KIAA1217: variants seen among roughly 807,000 people sequenced by gnomAD.
KIAA1217 encodes the protein KIAA1217.
KIAA1217 carries 88 observed loss-of-function variants against 163.9 expected under a neutral mutation model. The ratio of observed to expected loss-of-function variants is 0.54; its 90% confidence interval spans 0.45 to 0.64. The LOEUF (loss-of-function observed/expected upper bound fraction) is 0.64. KIAA1217 is among the 30% of genes least tolerant of loss of function. The pLI, the probability that KIAA1217 is intolerant of heterozygous loss-of-function variation, is 0.00. For missense variants in KIAA1217, 2,372 were observed against 2,475.0 expected (o/e 0.96, Z 0.88); for synonymous variants, 903 against 923.1 (o/e 0.98, Z 0.39).
chr10:24,246,563 G>T (rs1403340134), intron 2 of KIAA1217, among the ~76,000 whole-genome samples: 1 of 152,220 alleles, frequency 6.6e-6, no homozygotes, highest in Non-Finnish European at 1.5e-5. Context: ...AAATACACTT[G>T]ACATGTGGGT....
chr10:24,148,796 T>C (rs1263518456), intron 2 of KIAA1217, among the ~76,000 whole-genome samples: 3 of 152,192 alleles, frequency 2.0e-5, no homozygotes, highest in African/African-American at 4.8e-5. Flanking sequence ...TTTATAGCAA[T>C]GCAAAATGGA....
intron 1 of KIAA1217, among the ~76,000 whole-genome samples, chr10:23,970,452 A>C (rs923877339): frequency 8.5e-5 from 13 of 152,220 alleles, no homozygotes; most frequent in South Asian, 4.1e-4. Context: ...GTAGAAGTAG[A>C]GAGTAGAGCA....
intron 1 of KIAA1217, among the ~76,000 whole-genome samples, chr10:23,729,939 T>C (rs1293463453): frequency 6.6e-6 from 1 of 152,000 alleles, no homozygotes; most frequent in African/African-American, 2.4e-5. Context: ...TCTCACTCTG[T>C]CACCCAGGCT....
intron 1 of KIAA1217, among the ~76,000 whole-genome samples, chr10:23,915,218 T>C: frequency 6.6e-6 from 1 of 152,104 alleles, no homozygotes; most frequent in East Asian, 1.9e-4. Flanking sequence ...AAAGAGGTCA[T>C]GTAGCTAAGA....
upstream of KIAA1217, among the ~76,000 whole-genome samples, chr10:24,206,332 C>T (rs1204231353): frequency 1.3e-5 from 2 of 152,198 alleles, no homozygotes; most frequent in Non-Finnish European, 2.9e-5. Context: ...AGAAATACAC[C>T]TACTTCTAGT....
chr10:24,326,745 G>T (rs552337186), intron 2 of KIAA1217, among the ~76,000 whole-genome samples: 121 of 152,080 alleles, frequency 8.0e-4, no homozygotes, highest in African/African-American at 2.8e-3. Flanking sequence ...AGTGAAAAAT[G>T]GAACTTTAAT....
intron 3 of KIAA1217, among the ~76,000 whole-genome samples, chr10:24,417,500 G>T (rs1159422431): frequency 6.6e-6 from 1 of 152,192 alleles, no homozygotes; most frequent in East Asian, 1.9e-4. Flanking sequence ...TTCACAGACT[G>T]ATGGGAATTG....
In KIAA1217 at chr10:24,543,479, T is replaced by G. The variant is rs2075348363; in HGVS notation, c.4209T>G (p.Ile1403Met). The G allele has an allele frequency of 6.2e-7, 1 of 1,613,916 alleles. No homozygotes were observed. ...QVLSSGEVHDIVSQKGEDIQT... is the reference protein window; with the variant it reads ...QVLSSGEVHDMVSQKGEDIQT... ...TTTCCAGTGGGGAGGTGCATGATAT[T>G]GTTAGCCAAAAGGGAGAAGACATAC... is the stretch of plus-strand genomic sequence containing the variant. The change falls in exon 19 of 21, where the codon ATT (isoleucine) becomes ATG (methionine). Residue 1403 changes from isoleucine (I) to methionine (M), a missense_variant. Around this residue, in one of 3 missense-constraint regions of KIAA1217, gnomAD observed 690 missense variants for 677.5 expected, o/e 1.02. Transcript: ENST00000376454.
chr10:24,495,726 C>T (rs2066702251), intron 8 of KIAA1217, among the ~76,000 whole-genome samples: 1 of 152,154 alleles, frequency 6.6e-6, no homozygotes, highest in African/African-American at 2.4e-5. Context: ...TGGGGAAGGA[C>T]ATCAGCCCAG....
rs188000750 is a variant in KIAA1217, at chr10:24,134,055, G to A, written c.-170-85571G>A. Among the ~76,000 whole-genome samples, 3 of 152,314 alleles carry A rather than the reference G, an allele frequency of 2.0e-5. No individual in the cohort carries two copies. The East Asian group carries it at 5.8e-4, about 29-fold the overall frequency. Reference sequence around the variant, plus strand: ...GTTTGCCTTTGAATTCTGGGAAAGTGCTCCAGGAGAAGTACAAATAAAGTA... The same window carrying A: ...GTTTGCCTTTGAATTCTGGGAAAGTACTCCAGGAGAAGTACAAATAAAGTA... On this transcript the variant is annotated intron_variant, in intron 2 of 18. Transcript: ENST00000376462.
At chr10:24,133,108 T>A (rs923423650) in intron 2 of KIAA1217, among the ~76,000 whole-genome samples, 8 of 151,284 alleles carry the variant, frequency 5.3e-5, no homozygotes, top group Non-Finnish European at 8.8e-5. Context: ...AGAAAACCTT[T>A]AAGTGGAGCC....
intron 2 of KIAA1217, among the ~76,000 whole-genome samples, chr10:24,370,207 G>A (rs2051403231): frequency 1.4e-5 from 2 of 141,348 alleles, no homozygotes; most frequent in Non-Finnish European, 3.0e-5. Flanking sequence ...GGAGCCTGCA[G>A]TGAGCCAAGA....
At chr10:24,010,719 A>G (rs548770797) in intron 2 of KIAA1217, among the ~76,000 whole-genome samples, 1 of 152,140 alleles carries the variant, frequency 6.6e-6, no homozygotes, top group South Asian at 2.1e-4. Flanking sequence ...GGAACTTTAA[A>G]ACCAGTGGAG....
intron 3 of KIAA1217, among the ~76,000 whole-genome samples, chr10:24,386,742 T>C (rs2054063232): frequency 6.6e-6 from 1 of 152,018 alleles, no homozygotes; most frequent in South Asian, 2.1e-4. Context: ...CCCAGCTAAT[T>C]TTTCTGTTTT....
At chr10:23,746,464 C>T (rs1475781264) in intron 1 of KIAA1217, among the ~76,000 whole-genome samples, 2 of 151,998 alleles carry the variant, frequency 1.3e-5, no homozygotes, top group African/African-American at 4.8e-5. Flanking sequence ...TGCTCTGTCA[C>T]CCAGGCTGGA....
At chr10:24,383,570 T>G (rs1217355859) in intron 3 of KIAA1217, among the ~76,000 whole-genome samples, 1 of 152,214 alleles carries the variant, frequency 6.6e-6, no homozygotes, top group Non-Finnish European at 1.5e-5. Context: ...AGTGCCGGTG[T>G]GCTGTCACAG....
intron 3 of KIAA1217, among the ~76,000 whole-genome samples, chr10:24,390,521 G>T (rs1484160276): frequency 2.1e-5 from 3 of 145,858 alleles, no homozygotes; most frequent in Non-Finnish European, 3.0e-5. Flanking sequence ...AGGAAGGAAG[G>T]AAGGAAGGAA....
chr10:23,918,043 TTCTC>T (rs1029678212), intron 1 of KIAA1217, among the ~76,000 whole-genome samples: 1 of 152,104 alleles, frequency 6.6e-6, no homozygotes, highest in African/African-American at 2.4e-5. Flanking sequence ...GACAGGATCT[TTCTC>T]TGTCACTCAG....
At chr10:24,220,319 A>C (rs949107762) in intron 2 of KIAA1217, among the ~76,000 whole-genome samples, 12 of 152,218 alleles carry the variant, frequency 7.9e-5, no homozygotes, top group African/African-American at 1.2e-4. Context: ...TGAATGAATG[A>C]AGTAATGAAT....
Sources: allele counts gnomAD v4.1 joint callset (sites outside exome capture counted in the v4.1 genomes callset), GRCh38; gene constraint gnomAD v4.1.1; regional missense constraint gnomAD v4.1.1; transcripts MANE v1.5; gene names NCBI Gene and HGNC (gene_info 2026-07-23, HGNC 2026-07-21).